The following RIC1 variants were observed in gnomAD, a reference collection of about 807,000 sequenced individuals.
RIC1 encodes guanine nucleotide exchange factor subunit RIC1.
A neutral mutation model predicts 169.0 loss-of-function variants in RIC1; 88 were observed. The observed-to-expected ratio is 0.52, with a 90% CI of 0.44 to 0.62. The LOEUF is 0.62. Ranked by LOEUF, RIC1 falls within the 20% of genes least tolerant of loss-of-function variation. The probability of loss-of-function intolerance (pLI) is 0.00; values close to 1 mark genes in which losing one functional copy is unlikely to be tolerated. For synonymous variants in RIC1, 790 were observed against 601.5 expected (o/e 1.31, Z -4.59); for missense variants, 1,877 against 1,725.5 (o/e 1.09, Z -1.56).
Position 5,629,116 on chromosome 9 carries a change from C to T in RIC1, c.-194C>T, listed in dbSNP as rs964579417. On this transcript the variant is annotated 5_prime_UTR_variant, in exon 1 of 26. Transcript: ENST00000414202. ...TCCCCTTCCCTCCCCCACACTCGGC[C>T]CCGTCAGCTTGGGGGTGCCTTCGTC... 15 of 395,570 alleles carry T rather than the reference C, an allele frequency of 3.8e-5. No individual in the cohort carries two copies. The highest frequency in any genetic ancestry group is 3.0e-5 in the Non-Finnish European group (7 of 235,924). The allele number at this position is 395,570 out of a possible 1,614,324, so 24.5% of individuals were successfully genotyped here.
intron 2 of RIC1, among the ~76,000 whole-genome samples, chr9:5,681,230 T>C (rs1183268035): frequency 2.6e-5 from 4 of 152,198 alleles, no homozygotes; most frequent in African/African-American, 9.6e-5. Flanking sequence ...CTCTTGCTTC[T>C]CTAGTTATTT....
chr9:5,669,257 A>G (rs1416825163), intron 2 of RIC1, among the ~76,000 whole-genome samples: 2 of 152,000 alleles, frequency 1.3e-5, no homozygotes, highest in East Asian at 1.9e-4. Flanking sequence ...TGTGTACCCA[A>G]TTTGTAGTCT....
intron 2 of RIC1, among the ~76,000 whole-genome samples, chr9:5,688,066 A>G (rs1168832600): frequency 1.3e-5 from 2 of 152,194 alleles, no homozygotes; most frequent in Non-Finnish European, 1.5e-5. Context: ...AGTTTTCTAT[A>G]TTGCCTAACC....
Position 5,751,544 on chromosome 9 carries a change from C to A in RIC1, c.1453-1656C>A, listed in dbSNP as rs532038302. On this transcript the variant is annotated intron_variant, in intron 12 of 25. Coordinates refer to ENST00000414202, the MANE Select transcript of RIC1 (RefSeq NM_020829.4). ...CTAATTTTTGTATTTTTAGTAGAGA[C>A]GGGTTTCACCATGCTGGCCGGGCTG... Among the ~76,000 whole-genome samples, 2 of 150,748 alleles carry A rather than the reference C, an allele frequency of 1.3e-5. 1 individual carries two copies. Among genetic ancestry groups the A allele is most frequent in the African/African-American group, 5.0e-5 (2 of 40,156 alleles).
At chr9:5,688,020 G>C (rs1302851012) in intron 2 of RIC1, among the ~76,000 whole-genome samples, 2 of 151,944 alleles carry the variant, frequency 1.3e-5, no homozygotes, top group African/African-American at 4.8e-5. Flanking sequence ...TTTCATCTCA[G>C]ATATTTTAGT....
At chr9:5,737,676 G>T (rs915408487) in intron 7 of RIC1, among the ~76,000 whole-genome samples, 3 of 151,648 alleles carry the variant, frequency 2.0e-5, no homozygotes, top group African/African-American at 7.3e-5. Flanking sequence ...CCCCAACACA[G>T]TTGAAAAATT....
intron 7 of RIC1, among the ~76,000 whole-genome samples, chr9:5,736,234 G>A (rs1270687866): frequency 6.6e-6 from 1 of 152,132 alleles, no homozygotes; most frequent in East Asian, 1.9e-4. Context: ...AGCAAGAGTT[G>A]ATCTATTTGG....
At chr9:5,720,854 G>T in intron 6 of RIC1, 104 bp downstream of exon 6, 1 of 1,081,628 alleles carries the variant, frequency 9.2e-7, no homozygotes. Context: ...GATTTTAAGG[G>T]TTGTTAATTT....
chr9:5,694,057 T>C (rs1821748212), intron 3 of RIC1, among the ~76,000 whole-genome samples: 1 of 152,148 alleles, frequency 6.6e-6, no homozygotes, highest in Non-Finnish European at 1.5e-5. Context: ...CCCCATATAA[T>C]TTCATCAGAT....
At chr9:5,764,845 C>T (rs574191120) in intron 19 of RIC1, among the ~76,000 whole-genome samples, 1 of 152,296 alleles carries the variant, frequency 6.6e-6, no homozygotes, top group South Asian at 2.1e-4. Context: ...TATGGATTGG[C>T]AGATAATAAT....
Position 5,753,070 on chromosome 9 carries a change from T to C in RIC1, c.1453-130T>C, listed in dbSNP as rs1180805189. The stretch of plus-strand genomic sequence containing the variant: ...TCATATACAAATGGTAAATTCCAAG[T>C]GCTCTGCTACTAACTAGGGGGCACC... On this transcript the variant is annotated intron_variant, in intron 12 of 25. Coordinates refer to ENST00000414202, the MANE Select transcript of RIC1 (RefSeq NM_020829.4). 3 of 717,954 alleles carry C rather than the reference T, an allele frequency of 4.2e-6. No homozygotes were observed. In the Admixed American group the frequency reaches 6.8e-5, roughly 16 times the overall value. The allele number at this position is 717,954 out of a possible 1,614,324, so 44.5% of individuals were successfully genotyped here.
At position 5,713,883 on chromosome 9, in the gene RIC1, C is replaced by CT. The variant is rs1331044602; in HGVS notation, c.333-12dup. On this transcript the variant is annotated splice_polypyrimidine_tract_variant and intron_variant, in intron 3 of 25. Coordinates refer to ENST00000414202, the MANE Select transcript of RIC1 (RefSeq NM_020829.4). ...TTCAGCATCTTTCTTTAACTCTATG[C>CT]TGTTTGTTTTAGAGGAAGTCCACAA... is the stretch of plus-strand genomic sequence containing the variant. The CT allele has an allele frequency of 6.3e-7, 1 of 1,581,030 alleles. No individual in the cohort carries two copies. Among genetic ancestry groups the CT allele is most frequent in the East Asian group, 2.2e-5 (1 of 44,602 alleles).
intron 8 of RIC1, among the ~76,000 whole-genome samples, chr9:5,742,458 A>G (rs1005524127): frequency 3.3e-5 from 5 of 151,672 alleles, no homozygotes; most frequent in South Asian, 2.1e-4. Context: ...TTTGCTCCTT[A>G]CGTTTTTTTA....
chr9:5,764,302 A>AG (rs1375863090), intron 19 of RIC1, among the ~76,000 whole-genome samples: 1 of 152,184 alleles, frequency 6.6e-6, no homozygotes, highest in Non-Finnish European at 1.5e-5. Context: ...TGGGTTACTG[A>AG]GGGGACACTT....
downstream of RIC1, among the ~76,000 whole-genome samples, chr9:5,777,157 G>A (rs577938788): frequency 1.3e-5 from 2 of 152,070 alleles, no homozygotes; most frequent in African/African-American, 4.8e-5. Flanking sequence ...GTCTATTTTT[G>A]AAGAAAAATG....
rs547974549 is a variant in RIC1, at chr9:5,775,285, G to C, written c.*1039G>C. Reference sequence around the variant, plus strand: ...ATTACCACGGCTACTAAAAATTAGTGTGTAAAGAATGCATTCTTCATTGTA... The same window carrying C: ...ATTACCACGGCTACTAAAAATTAGTCTGTAAAGAATGCATTCTTCATTGTA... On this transcript the variant is annotated 3_prime_UTR_variant, in exon 26 of 26. Coordinates refer to ENST00000414202, the MANE Select transcript of RIC1 (RefSeq NM_020829.4). 1.3e-5 allele frequency: 2 copies of C among 152,278 alleles called. No homozygotes were observed. The highest frequency in any genetic ancestry group is 1.3e-4 in the Admixed American group (2 of 15,302). 9.4% of individuals were successfully genotyped at this position (152,278 alleles called of 1,614,324 possible).
chr9:5,755,356 C>A (rs1825943843), intron 15 of RIC1, among the ~76,000 whole-genome samples: 1 of 152,116 alleles, frequency 6.6e-6, no homozygotes, highest in South Asian at 2.1e-4. Flanking sequence ...ATAGCACTAT[C>A]TTTTTTCCTA....
At chr9:5,731,085 A>T (rs923896251) in intron 6 of RIC1, among the ~76,000 whole-genome samples, 7 of 152,102 alleles carry the variant, frequency 4.6e-5, no homozygotes, top group Non-Finnish European at 8.8e-5. Context: ...CTTCACCAGC[A>T]TTGCTTAATT....
At chr9:5,683,331 A>G (rs2130659880) in intron 2 of RIC1, among the ~76,000 whole-genome samples, 1 of 152,140 alleles carries the variant, frequency 6.6e-6, no homozygotes, top group East Asian at 1.9e-4. Context: ...TTTGGTGTGG[A>G]TGTCCTTTCT....
Sources: gnomAD v4.1 joint callset for allele counts (sites outside exome capture counted in the v4.1 genomes callset) on GRCh38, gnomAD v4.1.1 for gene constraint, MANE v1.5 for transcripts, NCBI Gene and HGNC (gene_info 2026-07-23, HGNC 2026-07-21) for gene names.